Variants in MLLT3 observed in about 807,000 individuals in gnomAD.
MLLT3 encodes MLLT3 super elongation complex subunit, also known as protein AF-9.
Under a neutral mutation model 53.2 loss-of-function variants are expected in MLLT3, and 4 were observed. The ratio of observed to expected loss-of-function variants is 0.08; its 90% confidence interval spans 0.04 to 0.17. MLLT3 has a LOEUF of 0.17. MLLT3 is among the 10% of genes least tolerant of loss of function. The pLI, the probability that MLLT3 is intolerant of heterozygous loss-of-function variation, is 1.00. For synonymous variants in MLLT3, 283 were observed against 230.6 expected, an observed-to-expected ratio of 1.23 and a Z score of -2.06; for missense variants, 569 against 684.0, an observed-to-expected ratio of 0.83 and a Z score of 1.87.
chr9:20,619,307 G>A (rs985631514), intron 2 of MLLT3, among the ~76,000 whole-genome samples: 3 of 152,080 alleles, frequency 2.0e-5, no homozygotes, highest in Admixed American at 6.5e-5. Flanking sequence ...AAATTCAACC[G>A]TTCAAGTTTT....
chr9:20,425,946 A>T (rs1823129561), intron 4 of MLLT3, among the ~76,000 whole-genome samples: 1 of 152,008 alleles, frequency 6.6e-6, no homozygotes, highest in Non-Finnish European at 1.5e-5. Context: ...TAAAGTACTG[A>T]TTGGCAAAAA....
chr9:20,596,099 G>A (rs1408433812), intron 2 of MLLT3, among the ~76,000 whole-genome samples: 1 of 152,202 alleles, frequency 6.6e-6, no homozygotes, highest in Non-Finnish European at 1.5e-5. Flanking sequence ...TTATGGGCAG[G>A]CTTAAGGGAA....
chr9:20,368,062 C>T (rs942915834), intron 5 of MLLT3, among the ~76,000 whole-genome samples: 4 of 152,224 alleles, frequency 2.6e-5, no homozygotes, highest in African/African-American at 9.6e-5. Context: ...GGCGGCCTAC[C>T]AACCCTTCAG....
chr9:20,504,699 T>C (rs1307522221), intron 2 of MLLT3, among the ~76,000 whole-genome samples: 1 of 152,092 alleles, frequency 6.6e-6, no homozygotes, highest in Non-Finnish European at 1.5e-5. Flanking sequence ...CATAACAATG[T>C]ATTTTATTTT....
At chr9:20,568,954 C>T (rs1819454675) in intron 2 of MLLT3, among the ~76,000 whole-genome samples, 1 of 151,810 alleles carries the variant, frequency 6.6e-6, no homozygotes, top group African/African-American at 2.4e-5. Context: ...TAAGATGTCT[C>T]AGAGAAAAAA....
intron 2 of MLLT3, among the ~76,000 whole-genome samples, chr9:20,462,145 G>C (rs529884421): frequency 1.3e-5 from 2 of 152,102 alleles, no homozygotes; most frequent in Non-Finnish European, 2.9e-5. Context: ...CCACTACAAG[G>C]CTTTACAGTC....
intron 7 of MLLT3, 86 bp downstream of exon 7, chr9:20,363,390 C>A: frequency 3.5e-4 from 516 of 1,493,732 alleles, no homozygotes; most frequent in East Asian, 8.6e-4. Context: ...TTTGGTGTTT[C>A]ACACCTTTGC....
At chr9:20,458,788 T>A (rs1824037057) in intron 2 of MLLT3, among the ~76,000 whole-genome samples, 1 of 152,182 alleles carries the variant, frequency 6.6e-6, no homozygotes, top group African/African-American at 2.4e-5. Flanking sequence ...TGTTAAAGCA[T>A]CCTGAATGGG....
chr9:20,592,521 G>A (rs1171173611), intron 2 of MLLT3, among the ~76,000 whole-genome samples: 1 of 152,022 alleles, frequency 6.6e-6, no homozygotes, highest in Admixed American at 6.6e-5. Context: ...TATTAGATTA[G>A]GTCCTACCCC....
At chr9:20,347,936 T>C (rs1820918721) in intron 10 of MLLT3, among the ~76,000 whole-genome samples, 1 of 152,236 alleles carries the variant, frequency 6.6e-6, no homozygotes, top group South Asian at 2.1e-4. Context: ...ACAATTAGCT[T>C]TCTTTTAAAA....
intron 10 of MLLT3, among the ~76,000 whole-genome samples, chr9:20,349,211 A>G (rs1206709720): frequency 6.6e-6 from 1 of 152,164 alleles, no homozygotes; most frequent in Non-Finnish European, 1.5e-5. Flanking sequence ...GAACATCATA[A>G]CCTTTGAGCC....
intron 5 of MLLT3, among the ~76,000 whole-genome samples, chr9:20,408,551 C>A (rs921182797): frequency 7.2e-5 from 11 of 152,098 alleles, no homozygotes; most frequent in African/African-American, 2.7e-4. Flanking sequence ...AGTTATAAAA[C>A]ACAGAAAACA....
At chr9:20,353,822 G>A (rs571695168) in intron 9 of MLLT3, among the ~76,000 whole-genome samples, 17 of 152,282 alleles carry the variant, frequency 1.1e-4, no homozygotes, top group Middle Eastern at 3.4e-3. Context: ...GAGTTGGAGT[G>A]AATTCTTGGA....
At chr9:20,442,815 T>C (rs1823588925) in intron 4 of MLLT3, among the ~76,000 whole-genome samples, 1 of 152,156 alleles carries the variant, frequency 6.6e-6, no homozygotes, top group African/African-American at 2.4e-5. Context: ...TAAATGTAAC[T>C]GTCACTCTCA....
chr9:20,381,829 A>G (rs574061680), intron 5 of MLLT3, among the ~76,000 whole-genome samples: 3 of 152,004 alleles, frequency 2.0e-5, no homozygotes, highest in African/African-American at 7.2e-5. Context: ...GATAAGCTAT[A>G]TAATTAAGAA....
At chr9:20,378,181 C>A (rs764899349) in intron 5 of MLLT3, among the ~76,000 whole-genome samples, 10 of 152,010 alleles carry the variant, frequency 6.6e-5, no homozygotes, top group Non-Finnish European at 1.5e-4. Context: ...TACAGCATAA[C>A]TTATTCTTGT....
chr9:20,601,861 T>G (rs753719892), intron 2 of MLLT3, among the ~76,000 whole-genome samples: 9 of 152,202 alleles, frequency 5.9e-5, no homozygotes, highest in Non-Finnish European at 1.2e-4. Context: ...TTTTGTGTGC[T>G]ACCTATACAA....
chr9:20,383,609 A>G (rs562697285), intron 5 of MLLT3, among the ~76,000 whole-genome samples: 1 of 152,064 alleles, frequency 6.6e-6, no homozygotes, highest in Non-Finnish European at 1.5e-5. Flanking sequence ...TGAATAAATG[A>G]TGACTAAATA....
chr9:20,390,028 A>C (rs1365041014), intron 5 of MLLT3, among the ~76,000 whole-genome samples: 1 of 152,216 alleles, frequency 6.6e-6, no homozygotes, highest in East Asian at 1.9e-4. Flanking sequence ...CCATCAGATT[A>C]TTATGGAAGT....
Sources: allele counts gnomAD v4.1 joint callset (sites outside exome capture counted in the v4.1 genomes callset), GRCh38; gene constraint gnomAD v4.1.1; transcripts MANE v1.5; gene names NCBI Gene and HGNC (gene_info 2026-07-23, HGNC 2026-07-21).